The following RASGRP3 variants were observed in gnomAD, a reference collection of about 807,000 sequenced individuals.
RASGRP3 encodes RAS guanyl releasing protein 3.
RASGRP3 carries 54 observed loss-of-function variants against 82.7 expected under a neutral mutation model. The observed-to-expected ratio is 0.65, with a 90% CI of 0.52 to 0.82. The LOEUF (loss-of-function observed/expected upper bound fraction) is 0.82, where lower values mean the gene tolerates loss of function less well. Ranked by LOEUF, RASGRP3 falls within the 40% of genes least tolerant of loss-of-function variation. The pLI is 0.00. For missense variants in RASGRP3, 861 were observed against 828.9 expected, an observed-to-expected ratio of 1.04 and a Z score of -0.48; for synonymous variants, 309 against 300.5, an observed-to-expected ratio of 1.03 and a Z score of -0.29.
In RASGRP3 at chr2:33,560,244, C is replaced by T. The variant is rs564129197; in HGVS notation, c.2064+1214C>T. The stretch of plus-strand genomic sequence containing the variant: ...GCAGTCATTCTCCCCCAACTCACCC[C>T]AGCCAACTAATTTATTTTCTGTCTC... On this transcript the variant is annotated intron_variant, in intron 17 of 17. Transcript: ENST00000403687. Among the ~76,000 whole-genome samples, 42 of 152,310 alleles carry T rather than the reference C, an allele frequency of 2.8e-4. No individual in the cohort carries two copies. In the East Asian group the frequency reaches 6.9e-3, roughly 25 times the overall value.
intron 1 of RASGRP3, among the ~76,000 whole-genome samples, chr2:33,484,269 C>T (rs761609403): frequency 1.3e-5 from 2 of 152,212 alleles, no homozygotes; most frequent in Non-Finnish European, 2.9e-5. Context: ...TTGCTTGTGA[C>T]TATCAGGGAT....
chr2:33,473,260 A>G (rs556296830), upstream of RASGRP3, among the ~76,000 whole-genome samples: 1 of 152,106 alleles, frequency 6.6e-6, no homozygotes, highest in Non-Finnish European at 1.5e-5. Flanking sequence ...GCGGGTGCCT[A>G]TAGTCCCAGC....
chr2:33,546,473 C>T (rs13388566), intron 13 of RASGRP3, among the ~76,000 whole-genome samples: 21,676 of 151,062 alleles, frequency 0.14, 2,024 homozygotes, highest in Non-Finnish European at 0.18. Flanking sequence ...AGTGAAGTTG[C>T]AGAGGAAAGG....
chr2:33,476,925 G>A (rs1667433943), intron 1 of RASGRP3, among the ~76,000 whole-genome samples: 1 of 114,894 alleles, frequency 8.7e-6, no homozygotes, highest in Non-Finnish European at 2.1e-5. Flanking sequence ...TGTTATTTTC[G>A]GCAACGTGTC....
chr2:33,477,620 G>A (rs1002176170), intron 1 of RASGRP3, among the ~76,000 whole-genome samples: 2 of 152,196 alleles, frequency 1.3e-5, no homozygotes, highest in Non-Finnish European at 2.9e-5. Context: ...GCGCTTGGGC[G>A]AGCAGCAAAG....
rs544123906 is a variant in RASGRP3 at position 33,512,596 on chromosome 2, C to G, written c.-128+754C>G. ...TAGAAAACTGGCAGAAATTTTTGTC[C>G]CAGTGATGTTTACTTAAAGCTGATT... is the stretch of plus-strand genomic sequence containing the variant. On this transcript the variant is annotated intron_variant, in intron 2 of 17. Coordinates refer to ENST00000403687, the MANE Select transcript of RASGRP3 (RefSeq NM_001139488.2). 2.0e-5 allele frequency among the ~76,000 whole-genome samples: 3 copies of G among 152,192 alleles called. No individual in the cohort carries two copies. In the East Asian group the frequency reaches 5.8e-4, roughly 29 times the overall value.
chr2:33,522,248 T>C (rs370895813), intron 7 of RASGRP3, 146 bp downstream of exon 7: 2 of 876,690 alleles, frequency 2.3e-6, no homozygotes, highest in African/African-American at 1.7e-5. Context: ...GAACAATCCC[T>C]TTTAACCAAA....
At chr2:33,532,521 C>G (rs1338983772) in intron 10 of RASGRP3, 6 of 152,184 alleles carry the variant, frequency 3.9e-5, no homozygotes, top group Non-Finnish European at 8.8e-5. Flanking sequence ...ACGCATCCTA[C>G]TTGGCTCTTT....
At chr2:33,514,866 T>A (rs1671295104) in intron 2 of RASGRP3, 144 bp from the exon 3 acceptor site, 3 of 432,956 alleles carry the variant, frequency 6.9e-6, no homozygotes, top group Non-Finnish European at 1.3e-5. Context: ...CATAAAAGGT[T>A]GATGTAATCT....
chr2:33,508,173 G>T (rs536052191), intron 1 of RASGRP3, among the ~76,000 whole-genome samples: 3 of 152,136 alleles, frequency 2.0e-5, no homozygotes, highest in Non-Finnish European at 4.4e-5. Context: ...CAAGTTTGTG[G>T]GAGGAAAATG....
At chr2:33,488,106 G>A (rs1473862752) in intron 1 of RASGRP3, among the ~76,000 whole-genome samples, 12 of 152,184 alleles carry the variant, frequency 7.9e-5, no homozygotes, top group Admixed American at 7.2e-4. Flanking sequence ...ATTCTTACTC[G>A]ATTATTTATG....
chr2:33,477,439 G>A (rs17594309), intron 1 of RASGRP3, among the ~76,000 whole-genome samples: 8 of 152,070 alleles, frequency 5.3e-5, no homozygotes, highest in Non-Finnish European at 8.8e-5. Context: ...TTCGGTTGCC[G>A]CTGGTCTTCC....
At chr2:33,459,782 C>G (rs949829911) in intron 2 of RASGRP3, among the ~76,000 whole-genome samples, 3 of 152,156 alleles carry the variant, frequency 2.0e-5, no homozygotes, top group Non-Finnish European at 4.4e-5. Flanking sequence ...AGTTAGGATT[C>G]TGTCTTTCCA....
intron 1 of RASGRP3, among the ~76,000 whole-genome samples, chr2:33,505,694 G>A (rs557310396): frequency 6.6e-6 from 1 of 152,282 alleles, no homozygotes; most frequent in South Asian, 2.1e-4. Context: ...AACTTCTGAG[G>A]CTCAAGTTTC....
At chr2:33,494,216 C>T (rs1429365414) in intron 1 of RASGRP3, among the ~76,000 whole-genome samples, 1 of 152,184 alleles carries the variant, frequency 6.6e-6, no homozygotes, top group African/African-American at 2.4e-5. Flanking sequence ...ACTAGCACAA[C>T]CTCTTTCTCT....
intron 1 of RASGRP3, among the ~76,000 whole-genome samples, chr2:33,500,663 C>T (rs1369359244): frequency 2.6e-5 from 4 of 152,068 alleles, no homozygotes; most frequent in African/African-American, 7.2e-5. Flanking sequence ...GAGGTGGGTG[C>T]GGTGGCCCAC....
At chr2:33,558,390 C>A (rs1371647599) in intron 16 of RASGRP3, 54 bp downstream of exon 16, 1 of 1,610,276 alleles carries the variant, frequency 6.2e-7, no homozygotes, top group Non-Finnish European at 8.5e-7. Context: ...TGCCTCCTCA[C>A]ACTTGGACCT....
In RASGRP3 at chr2:33,523,957, A is replaced by C; in HGVS notation, c.595A>C (p.Asn199His). 6.2e-7 allele frequency: 1 copy of C among 1,613,950 alleles called. No individual in the cohort carries two copies. Among genetic ancestry groups the C allele is most frequent in the Non-Finnish European group, 8.5e-7 (1 of 1,179,840 alleles). ...CTTGGAAAGATCGATTGCTTTATTT[A>C]ATGGAATCTCTAAGTGGGTCCAGTT... ...PTLERSIALF[N>H]GISKWVQLMV... Residue 199 changes from asparagine (N) to histidine (H), a missense_variant, in exon 8 of 18, where the codon AAT becomes CAT. Physicochemically the swap from Asn to His is moderately conservative, Grantham distance 68. Transcript: ENST00000403687.
At chr2:33,480,098 A>G (rs1246616431) in intron 1 of RASGRP3, among the ~76,000 whole-genome samples, 1 of 143,712 alleles carries the variant, frequency 7.0e-6, no homozygotes, top group Non-Finnish European at 1.5e-5. Flanking sequence ...GCTGGAGTGC[A>G]GTGGTGAGAT....
Sources: gnomAD v4.1 joint callset for allele counts (sites outside exome capture counted in the v4.1 genomes callset) on GRCh38, gnomAD v4.1.1 for gene constraint, MANE v1.5 for transcripts, NCBI Gene and HGNC (gene_info 2026-07-23, HGNC 2026-07-21) for gene names.